The following BCORL1 variants were observed in gnomAD, a reference collection of about 807,000 sequenced individuals.
The protein encoded by BCORL1 is BCL6 corepressor like 1.
Under a neutral mutation model 87.6 loss-of-function variants are expected in BCORL1, and 7 were observed. That is an observed-to-expected ratio of 0.08 (90% CI 0.05 to 0.15). The LOEUF (loss-of-function observed/expected upper bound fraction) is 0.15, where lower values mean the gene tolerates loss of function less well. BCORL1 is among the 10% of genes least tolerant of loss of function. BCORL1 has a pLI of 1.00. For synonymous variants in BCORL1, 591 were observed against 634.4 expected, an observed-to-expected ratio of 0.93 and a Z score of 1.03; for missense variants, 1,215 against 1,499.7, an observed-to-expected ratio of 0.81 and a Z score of 3.13.
chrX:130,038,851 A>G (rs1931124893), intron 10 of BCORL1, among the ~76,000 whole-genome samples: 1 of 111,574 alleles, frequency 9.0e-6, no homozygotes, highest in African/African-American at 3.3e-5. Flanking sequence ...AACTACCAAT[A>G]GAGCTACATT....
chrX:130,026,158 A>G, intron 7 of BCORL1, among the ~76,000 whole-genome samples: 1 of 111,560 alleles, frequency 9.0e-6, no homozygotes, highest in Non-Finnish European at 1.9e-5. Context: ...TTATAAGAAC[A>G]CCTCTGTCTC....
intron 11 of BCORL1, among the ~76,000 whole-genome samples, chrX:130,044,512 A>C (rs968685295): frequency 9.9e-6 from 1 of 101,485 alleles, no homozygotes; most frequent in African/African-American, 3.6e-5. Context: ...TTTTTCTTTA[A>C]TTTTTTTTTT....
At chrX:130,021,662 C>T (rs1346798646) in intron 5 of BCORL1, among the ~76,000 whole-genome samples, 1 of 111,572 alleles carries the variant, frequency 9.0e-6, no homozygotes, top group Non-Finnish European at 1.9e-5. Context: ...CTAACCTGTC[C>T]GTTTTGCCAC....
intron 13 of BCORL1, among the ~76,000 whole-genome samples, chrX:130,053,423 C>T (rs1162659218): frequency 9.0e-6 from 1 of 111,213 alleles, no homozygotes; most frequent in Non-Finnish European, 1.9e-5. Flanking sequence ...GAGGACAGGG[C>T]GGGGCCTCTG....
chrX:129,993,760 G>C (rs760763042), intron 1 of BCORL1, among the ~76,000 whole-genome samples: 7 of 111,635 alleles, frequency 6.3e-5, no homozygotes, highest in African/African-American at 2.3e-4. Flanking sequence ...AATAGATTAC[G>C]TATGGTCCTT....
intron 13 of BCORL1, among the ~76,000 whole-genome samples, chrX:130,055,158 C>A (rs932977372): frequency 3.6e-5 from 4 of 112,075 alleles, no homozygotes; most frequent in African/African-American, 9.7e-5. Flanking sequence ...GGCCCGGGAT[C>A]GGCCTCTCCA....
chrX:129,984,273 G>A (rs1263656692), intron 1 of BCORL1, among the ~76,000 whole-genome samples: 1 of 104,072 alleles, frequency 9.6e-6, no homozygotes, highest in Non-Finnish European at 2.0e-5. Flanking sequence ...GCCAAAGAGA[G>A]TCCCGTGCCG....
At chrX:129,995,735 CG>C (rs773901318) in intron 1 of BCORL1, among the ~76,000 whole-genome samples, 254 of 111,999 alleles carry the variant, frequency 2.3e-3, no homozygotes, top group Non-Finnish European at 3.4e-3. Context: ...CCACTACACC[CG>C]GCCAGAACGG....
intron 8 of BCORL1, among the ~76,000 whole-genome samples, chrX:130,029,450 C>T (rs748470570): frequency 4.5e-4 from 50 of 111,221 alleles, no homozygotes; most frequent in Admixed American, 7.7e-4. Flanking sequence ...TCTTTTGGGT[C>T]TGATGTTCAT....
chrX:130,020,291 A>C (rs1929706458), intron 4 of BCORL1, among the ~76,000 whole-genome samples: 1 of 111,907 alleles, frequency 8.9e-6, no homozygotes, highest in African/African-American at 3.2e-5. Flanking sequence ...TGGGGATAAT[A>C]TTAGCTTCTC....
chrX:130,012,773 G>A (rs1347261944), intron 3 of BCORL1, 105 bp downstream of exon 3: 2 of 1,001,307 alleles, frequency 2.0e-6, no homozygotes, highest in African/African-American at 3.8e-5. Flanking sequence ...GGAAGGGACA[G>A]GGTCTCTCCC....
In BCORL1 at chrX:130,020,851, G is replaced by A. The variant is rs970374507; in HGVS notation, c.3442-134G>A. 6.5e-5 allele frequency: 46 copies of A among 705,716 alleles called. No homozygotes were observed. In the African/African-American group the frequency reaches 7.2e-4, roughly 11 times the overall value. 58.2% of individuals were successfully genotyped at this position (705,716 alleles called of 1,213,427 possible). On this transcript the variant is annotated intron_variant, in intron 4 of 13. Transcript: ENST00000540052. ...TCACCCACTCTGGAAGGCAGTGCAC[G>A]GCCCCTTGCCCCTGGTCCCCCACTC...
chrX:129,992,509 A>G (rs1927272756), intron 1 of BCORL1, among the ~76,000 whole-genome samples: 1 of 111,948 alleles, frequency 8.9e-6, no homozygotes, highest in African/African-American at 3.2e-5. Context: ...GTATAGATAC[A>G]CCTTTGAATG....
chrX:129,999,683 T>C (rs113364897), intron 1 of BCORL1, among the ~76,000 whole-genome samples: 12 of 103,693 alleles, frequency 1.2e-4, no homozygotes, highest in South Asian at 9.2e-4. Context: ...CTAATTCTTT[T>C]TCCCCCCCCC....
chrX:130,030,754 A>G (rs1473613297), intron 8 of BCORL1, among the ~76,000 whole-genome samples: 1 of 110,198 alleles, frequency 9.1e-6, no homozygotes, highest in Non-Finnish European at 1.9e-5. Context: ...CACAAAGGTA[A>G]CCAGCGCTCG....
At chrX:130,004,241 GTTTTTT>G (rs1189082044) in intron 1 of BCORL1, among the ~76,000 whole-genome samples, 1 of 85,588 alleles carries the variant, frequency 1.2e-5, no homozygotes, top group East Asian at 3.6e-4. Flanking sequence ...GAAATGTGTG[GTTTTTT>G]TTTTTTTTTT....
Position 130,025,160 on chromosome X carries a change from C to G in BCORL1, c.3859C>G (p.Leu1287Val). ...CAGCCACCATGCCCAGGACAAGTCT[C>G]TGCTGAGCCAGGGCCGAAGGCACCT... ...YRSHHAQDKS[L>V]LSQGRRHLWR... is the part of the protein sequence containing the mutation. Residue 1287 changes from leucine (L) to valine (V), a missense_variant, in exon 7 of 14, where the codon CTG becomes GTG. By Grantham distance (32) the Leu-to-Val change is conservative. Transcript: ENST00000540052. The G allele has an allele frequency of 1.7e-5, 21 of 1,212,206 alleles. No homozygotes were observed. The highest frequency in any genetic ancestry group is 2.2e-5 in the Non-Finnish European group (20 of 895,630).
Position 130,034,500 on chromosome X carries a change from C to T in BCORL1, c.4351C>T (p.Pro1451Ser). Residue 1451 changes from proline (P) to serine (S), a missense_variant, in exon 9 of 14, where the codon CCC (proline) becomes TCC (serine). Physicochemically the swap from Pro to Ser is moderately conservative, Grantham distance 74 (BLOSUM62 -1). This residue lies in a region of BCORL1 where 166 missense variants were observed against 196.5 expected (regional missense o/e 0.84). Coordinates refer to ENST00000540052, the MANE Select transcript of BCORL1 (RefSeq NM_001379451.1). ...GCAGAAGACACGATCTCCCAAATCT[C>T]CCACCCCAGTGAAACCCACAGAACC... ...SQQKTRSPKSPTPVKPTEPCT... is the reference protein window; with the variant it reads ...SQQKTRSPKSSTPVKPTEPCT... 1.0e-6 allele frequency: 1 copy of T among 983,159 alleles called. No individual in the cohort carries two copies. Among genetic ancestry groups the T allele is most frequent in the South Asian group, 2.0e-5 (1 of 50,551 alleles). 81.0% of individuals were successfully genotyped at this position (983,159 alleles called of 1,213,427 possible).
At chrX:130,046,858 T>C (rs779176336) in intron 11 of BCORL1, among the ~76,000 whole-genome samples, 1 of 110,728 alleles carries the variant, frequency 9.0e-6, no homozygotes, top group East Asian at 2.8e-4. Context: ...CCAAACATTT[T>C]CATCACCCCA....
Sources: gnomAD v4.1 joint callset for allele counts (sites outside exome capture counted in the v4.1 genomes callset) on GRCh38, gnomAD v4.1.1 for gene constraint, gnomAD v4.1.1 regional missense constraint, MANE v1.5 for transcripts, NCBI Gene and HGNC (gene_info 2026-07-23, HGNC 2026-07-21) for gene names.